Variants in HSPA12A observed in about 807,000 individuals in gnomAD.
The protein encoded by HSPA12A is heat shock protein family A (Hsp70) member 12A.
Under a neutral mutation model 69.2 loss-of-function variants are expected in HSPA12A, and 28 were observed. The ratio of observed to expected loss-of-function variants is 0.40; its 90% CI spans 0.30 to 0.55. The LOEUF (loss-of-function observed/expected upper bound fraction) is 0.55. Ranked by LOEUF, HSPA12A falls within the 20% of genes least tolerant of loss-of-function variation. The pLI is 0.38. For synonymous variants in HSPA12A, 345 were observed against 370.5 expected, an observed-to-expected ratio of 0.93 and a Z score of 0.79; for missense variants, 686 against 900.7, an observed-to-expected ratio of 0.76 and a Z score of 3.05.
chr10:116,710,365 G>A lies in HSPA12A; in HGVS notation c.41-3080C>T, dbSNP rs183866985. Among the ~76,000 whole-genome samples, 276 of 152,262 alleles carry A rather than the reference G, an allele frequency of 1.8e-3. No homozygotes were observed. Among genetic ancestry groups the A allele is most frequent in the Non-Finnish European group, 3.1e-3 (211 of 68,016 alleles). On this transcript the variant is annotated intron_variant, in intron 1 of 11. Coordinates refer to ENST00000369209, the MANE Select transcript of HSPA12A (RefSeq NM_025015.3). This position sits in a 1 kb window ranked among gnomAD's most constrained non-coding sequence, Gnocchi z 4.1. Reference sequence around the variant, plus strand: ...TATCTGCAGACAAACTATCCACCCCGCTGCTGCTTGGTCCTAATTATCCCA... The same window carrying A: ...TATCTGCAGACAAACTATCCACCCCACTGCTGCTTGGTCCTAATTATCCCA...
intron 2 of HSPA12A, among the ~76,000 whole-genome samples, chr10:116,785,614 A>G (rs1187279301): frequency 6.6e-6 from 1 of 152,112 alleles, no homozygotes. Flanking sequence ...CCTTGGGGGA[A>G]CGCACACTCG....
chr10:116,709,446 C>CAAAAAAA (rs543929917), intron 1 of HSPA12A, among the ~76,000 whole-genome samples: 1 of 69,370 alleles, frequency 1.4e-5, no homozygotes, highest in Non-Finnish European at 3.0e-5. Context: ...GACTCCATCT[C>CAAAAAAA]AAAAAAAAAA....
intron 2 of HSPA12A, among the ~76,000 whole-genome samples, chr10:116,776,957 C>A (rs1175325138): frequency 5.9e-5 from 9 of 152,190 alleles, no homozygotes; most frequent in Admixed American, 5.2e-4. Flanking sequence ...GGACTTGGTT[C>A]AAGTTTGCTT....
intron 2 of HSPA12A, among the ~76,000 whole-genome samples, chr10:116,825,186 C>A (rs1221843187): frequency 6.5e-4 from 81 of 124,904 alleles, no homozygotes; most frequent in African/African-American, 7.3e-4. Flanking sequence ...GACCTTGTCT[C>A]AAAAAAAAAA....
chr10:116,771,814 C>G (rs189690170), intron 2 of HSPA12A, among the ~76,000 whole-genome samples: 9 of 152,290 alleles, frequency 5.9e-5, no homozygotes, highest in African/African-American at 2.2e-4. Flanking sequence ...GAGTGCACCC[C>G]CAAGGTGCCT....
intron 2 of HSPA12A, among the ~76,000 whole-genome samples, chr10:116,796,536 A>C (rs1181257808): frequency 6.6e-6 from 1 of 152,040 alleles, no homozygotes; most frequent in African/African-American, 2.4e-5. Context: ...TCAAACTACA[A>C]AATGCAAACT....
At chr10:116,832,827 G>A (rs919177054) in intron 2 of HSPA12A, 4 of 152,166 alleles carry the variant, frequency 2.6e-5, no homozygotes, top group African/African-American at 9.7e-5. Context: ...GCCAGGTATT[G>A]TCCTATGTGT....
At chr10:116,843,115 C>A (rs1380335661) in intron 1 of HSPA12A, among the ~76,000 whole-genome samples, 2 of 152,176 alleles carry the variant, frequency 1.3e-5, no homozygotes, top group Non-Finnish European at 2.9e-5. Context: ...TCTAAAACAG[C>A]CTTTGACAGG....
In HSPA12A at chr10:116,828,096, C is replaced by T. The variant is rs1760330514; in HGVS notation, c.91+6839G>A. 2.0e-5 allele frequency among the ~76,000 whole-genome samples: 3 copies of T among 152,110 alleles called. No individual in the cohort carries two copies. In the South Asian group the frequency reaches 6.2e-4, roughly 32 times the overall value. On this transcript the variant is annotated intron_variant, in intron 2 of 12. Coordinates refer to the HSPA12A transcript ENST00000635765. The stretch of plus-strand genomic sequence containing the variant: ...GTATTGTTCTTATTATGTTGTTATA[C>T]CTCTGCCTGAAAGTCCCTTTTGAAA...
At chr10:116,804,825 T>C (rs552632277) in intron 2 of HSPA12A, among the ~76,000 whole-genome samples, 75 of 152,340 alleles carry the variant, frequency 4.9e-4, no homozygotes, top group African/African-American at 1.5e-3. Flanking sequence ...CCTGTTTCCT[T>C]CTAAGAGGCC....
At chr10:116,819,355 C>T (rs768193774) in intron 2 of HSPA12A, among the ~76,000 whole-genome samples, 11 of 152,152 alleles carry the variant, frequency 7.2e-5, no homozygotes, top group African/African-American at 1.2e-4. Flanking sequence ...AGGAGGGTTC[C>T]GTGGTCTGAG....
intron 2 of HSPA12A, among the ~76,000 whole-genome samples, chr10:116,779,967 C>A (rs1388716351): frequency 3.9e-5 from 6 of 152,162 alleles, no homozygotes; most frequent in African/African-American, 1.4e-4. Context: ...CCTGAAGGAG[C>A]TTCGACCTAC....
intron 1 of HSPA12A, among the ~76,000 whole-genome samples, chr10:116,737,225 C>T (rs912070282): frequency 5.3e-5 from 8 of 152,162 alleles, no homozygotes; most frequent in African/African-American, 1.7e-4. Flanking sequence ...TTAACCACTA[C>T]GCTTCCCAAA....
intron 2 of HSPA12A, among the ~76,000 whole-genome samples, chr10:116,825,730 T>C (rs1180516596): frequency 6.6e-6 from 1 of 152,104 alleles, no homozygotes; most frequent in Non-Finnish European, 1.5e-5. Context: ...CTGCTGCTAA[T>C]GGGTATAAGG....
rs782761196 is a variant in HSPA12A at position 116,692,370 on chromosome 10, A to G, written c.644T>C (p.Met215Thr). 15 of 1,613,950 alleles carry G rather than the reference A, an allele frequency of 9.3e-6. No homozygotes were observed. The highest frequency in any genetic ancestry group is 1.2e-5 in the Non-Finnish European group (14 of 1,179,964). Reference sequence around the variant, plus strand: ...CCTCACCTGGTAGGCAGCTTGTCTCATGAACTGCTTGGCCGGCTGCTTCCA... The same window carrying G: ...CCTCACCTGGTAGGCAGCTTGTCTCGTGAACTGCTTGGCCGGCTGCTTCCA... ...AIWKQPAKQF[M>T]RQAAYQAGLA... The change falls in exon 6 of 12, where the codon ATG (methionine) becomes ACG (threonine). Residue 215 changes from methionine (M) to threonine (T), a missense_variant. Physicochemically the swap from Met to Thr is moderately conservative, Grantham distance 81 (BLOSUM62 -1). Transcript: ENST00000369209.
At chr10:116,677,375 C>T (rs989798444) in intron 10 of HSPA12A, among the ~76,000 whole-genome samples, 24 of 152,284 alleles carry the variant, frequency 1.6e-4, no homozygotes, top group African/African-American at 5.1e-4. Flanking sequence ...AGATGCTGGA[C>T]GGGAATCTAG....
chr10:116,679,396 G>C, intron 10 of HSPA12A, 107 bp downstream of exon 10: 1 of 1,365,238 alleles, frequency 7.3e-7, no homozygotes, highest in Non-Finnish European at 1.0e-6. Context: ...AGGTCATACA[G>C]CAAGTGTGTA....
chr10:116,744,120 C>G (rs1302434217), upstream of HSPA12A, among the ~76,000 whole-genome samples: 3 of 152,228 alleles, frequency 2.0e-5, no homozygotes, highest in Non-Finnish European at 4.4e-5. Context: ...GTGATCTGGT[C>G]TGTCCCCACC....
At chr10:116,785,697 C>T (rs1844560048) in intron 2 of HSPA12A, among the ~76,000 whole-genome samples, 1 of 152,074 alleles carries the variant, frequency 6.6e-6, no homozygotes, top group Admixed American at 6.5e-5. Context: ...ACACACACTA[C>T]CCCAAATATC....
Sources: allele counts gnomAD v4.1 joint callset (sites outside exome capture counted in the v4.1 genomes callset), GRCh38; gene constraint gnomAD v4.1.1; non-coding constraint Gnocchi (gnomAD v3.1); transcripts MANE v1.5; gene names NCBI Gene and HGNC (gene_info 2026-07-23, HGNC 2026-07-21).